Variants in MAP7D1 observed in about 807,000 individuals in gnomAD.
MAP7D1 encodes MAP7 domain containing 1, also known as MAP7 domain-containing protein 1.
In MAP7D1, 30 loss-of-function variants were observed where a neutral mutation model predicts 97.5. That is an observed-to-expected ratio of 0.31 (90% CI 0.23 to 0.42). The LOEUF (loss-of-function observed/expected upper bound fraction) is 0.42. Among genes scored for constraint, MAP7D1 ranks in the 10% least tolerant of loss-of-function variants. The pLI is 1.00. For synonymous variants in MAP7D1, 536 were observed against 477.1 expected, an observed-to-expected ratio of 1.12 and a Z score of -1.61; for missense variants, 1,184 against 1,179.5, an observed-to-expected ratio of 1.00 and a Z score of -0.06.
At position 36,180,313 on chromosome 1, in the gene MAP7D1, C is replaced by T. The variant is rs1557785939; in HGVS notation, c.*55C>T. The T allele has an allele frequency of 6.2e-7, 1 of 1,612,132 alleles. No homozygotes were observed. The highest frequency in any genetic ancestry group is 2.2e-5 in the East Asian group (1 of 44,870). On this transcript the variant is annotated 3_prime_UTR_variant, in exon 17 of 17. Coordinates refer to ENST00000474796, the MANE Select transcript of MAP7D1 (RefSeq NM_001388490.1). ...GTGAGGGCTCCTCTGCATCACCTAC[C>T]AGGATGTCTGGAGGAGAAAAAGACA...
At position 36,171,007 on chromosome 1, in the gene MAP7D1, C is replaced by G. The variant is rs778063899; in HGVS notation, c.83C>G (p.Ser28Cys). 6.4e-7 allele frequency: 1 copy of G among 1,565,676 alleles called. No homozygotes were observed. ...AGGACCCCCCCAGAGCCAAGACCTTCTCCAGAAGGTGACCCTTCCCCCCCA... is the reference window on the plus strand; with the variant it reads ...AGGACCCCCCCAGAGCCAAGACCTTGTCCAGAAGGTGACCCTTCCCCCCCA... ...VARTPPEPRP[S>C]PEGDPSPPPP... Residue 28 changes from serine to cysteine, a missense_variant, in exon 2 of 17, where the codon TCT becomes TGT. Physicochemically the swap from Ser to Cys is moderately radical, Grantham distance 112. Coordinates refer to ENST00000474796, the MANE Select transcript of MAP7D1 (RefSeq NM_001388490.1).
At position 36,176,975 on chromosome 1, in the gene MAP7D1, G is replaced by A. The variant is rs1176380234; in HGVS notation, c.1379+133G>A. On this transcript the variant is annotated intron_variant, in intron 8 of 16. Coordinates refer to ENST00000474796, the MANE Select transcript of MAP7D1 (RefSeq NM_001388490.1). This position sits in a 1 kb window ranked among gnomAD's most constrained non-coding sequence, Gnocchi z 6.1. The stretch of plus-strand genomic sequence containing the variant: ...GATTCTCTCTGTTTTGTTTGAGACA[G>A]GATCTCCCTCTGTCACCCAGGCTGG... 3.7e-6 allele frequency: 3 copies of A among 815,128 alleles called. No individual in the cohort carries two copies. The highest frequency in any genetic ancestry group is 5.8e-6 in the Non-Finnish European group (3 of 518,152). 50.5% of individuals were successfully genotyped at this position (815,128 alleles called of 1,614,324 possible).
intron 13 of MAP7D1, 67 bp downstream of exon 13, chr1:36,179,382 G>A: frequency 6.3e-7 from 1 of 1,597,616 alleles, no homozygotes; most frequent in Non-Finnish European, 8.6e-7. Context: ...GCTGCGGAAA[G>A]GCATCCATGG....
rs755424592 is a variant in MAP7D1 at position 36,177,988 on chromosome 1, G to A, written c.1495G>A (p.Gly499Ser). ...GCCTCCAAAGCCACCGTCCCCCCGA[G>A]GCACCACTGCATCCCCCAAGGGGCG... is the stretch of plus-strand genomic sequence containing the variant. ...TLPPKPPSPR[G>S]TTASPKGRVR... Residue 499 changes from glycine (G) to serine (S), a missense_variant, in exon 9 of 17, where the codon GGC (glycine) becomes AGC (serine). Transcript: ENST00000474796. 1.9e-5 allele frequency: 31 copies of A among 1,611,418 alleles called. No homozygotes were observed. In the South Asian group the frequency reaches 3.3e-4, roughly 17 times the overall value.
chr1:36,169,647 T>C (rs190029696), intron 1 of MAP7D1, among the ~76,000 whole-genome samples: 3 of 152,310 alleles, frequency 2.0e-5, no homozygotes, highest in Admixed American at 6.5e-5. Context: ...TGTGTTCCCA[T>C]TGATCTCCTC....
At position 36,176,121 on chromosome 1, in the gene MAP7D1, G is replaced by A; in HGVS notation, c.851-78G>A. 1 of 1,525,650 alleles carries A rather than the reference G, an allele frequency of 6.6e-7. No individual in the cohort carries two copies. The highest frequency in any genetic ancestry group is 1.2e-5 in the South Asian group (1 of 85,338). The allele number at this position is 1,525,650 out of a possible 1,614,324, so 94.5% of individuals were successfully genotyped here. ...GCCTTGGCCTTGGCATGGGGATGGT[G>A]CCTGGTCTGCTCCCTTGCCTCTTCC... On this transcript the variant is annotated intron_variant, in intron 6 of 16. Transcript: ENST00000474796. The surrounding 1 kb of genome is among the most constrained non-coding windows in gnomAD (Gnocchi z 6.1).
Position 36,179,912 on chromosome 1 carries a change from G to T in MAP7D1, c.2357G>T (p.Gly786Val). Residue 786 changes from glycine (G) to valine (V), a missense_variant, in exon 16 of 17, where the codon GGC (glycine) becomes GTC (valine). By Grantham distance (109) the Gly-to-Val change is moderately radical. Transcript: ENST00000474796. Reference protein sequence around the residue: ...SKELPASLVNGLQPLPAHQEN... With the variant: ...SKELPASLVNVLQPLPAHQEN... ...GAGTTGCCAGCGTCCCTGGTGAATGGCCTGCAGCCTCTCCCAGCACACCAG... is the reference window on the plus strand; with the variant it reads ...GAGTTGCCAGCGTCCCTGGTGAATGTCCTGCAGCCTCTCCCAGCACACCAG... 6.2e-7 allele frequency: 1 copy of T among 1,614,078 alleles called. No homozygotes were observed. Among genetic ancestry groups the T allele is most frequent in the Non-Finnish European group, 8.5e-7 (1 of 1,179,978 alleles).
Position 36,176,913 on chromosome 1 carries a change from G to A in MAP7D1, c.1379+71G>A. 7.4e-7 allele frequency: 1 copy of A among 1,346,210 alleles called. No homozygotes were observed. Among genetic ancestry groups the A allele is most frequent in the Non-Finnish European group, 1.0e-6 (1 of 973,850 alleles). 83.4% of individuals were successfully genotyped at this position (1,346,210 alleles called of 1,614,324 possible). On this transcript the variant is annotated intron_variant, in intron 8 of 16. Transcript: ENST00000474796. The surrounding 1 kb of genome is among the most constrained non-coding windows in gnomAD (Gnocchi z 6.1). ...TATTCATCACCCACAAATATTTGTT[G>A]GGCAACCACCTCTAGAATGCAACTT...
Position 36,179,879 on chromosome 1 carries a change from C to T in MAP7D1, c.2324C>T (p.Pro775Leu). 6.2e-7 allele frequency: 1 copy of T among 1,611,960 alleles called. No individual in the cohort carries two copies. The highest frequency in any genetic ancestry group is 8.5e-7 in the Non-Finnish European group (1 of 1,178,694). Residue 775 changes from proline (P) to leucine (L), a missense_variant, in exon 16 of 17, where the codon CCA becomes CTA. Coordinates refer to ENST00000474796, the MANE Select transcript of MAP7D1 (RefSeq NM_001388490.1). ...CTTGGCCTCTGCATCCACAGTCTCC[C>T]AAGCAAGGAGTTGCCAGCGTCCCTG... ...PIPQEPQWSL[P>L]SKELPASLVN... is the part of the protein sequence containing the mutation.
In MAP7D1 at chr1:36,179,546, G is replaced by C. The variant is rs1057268296; in HGVS notation, c.2216G>C (p.Gly739Ala). The C allele has an allele frequency of 5.7e-6, 9 of 1,572,310 alleles. No homozygotes were observed. The highest frequency in any genetic ancestry group is 6.0e-6 in the Non-Finnish European group (7 of 1,157,694). The change falls in exon 14 of 17, where the codon GGT becomes GCT. Residue 739 changes from glycine to alanine, a missense_variant. Coordinates refer to ENST00000474796, the MANE Select transcript of MAP7D1 (RefSeq NM_001388490.1). ...KQDSKEANANGSSPEPVKAVE... is the reference protein window; with the variant it reads ...KQDSKEANANASSPEPVKAVE... ...GACAGCAAGGAGGCCAACGCCAACG[G>C]TTCCAGCCCAGGTAAAGCCCCCATT... is the stretch of plus-strand genomic sequence containing the variant.
chr1:36,159,866 G>A lies in MAP7D1; in HGVS notation c.46+3403G>A, dbSNP rs1644383798. ...CATACATCCAGCAGCCAGCTGGCTG[G>A]CACCTCCCAATGACAGCTTCCTAGT... is the stretch of plus-strand genomic sequence containing the variant. On this transcript the variant is annotated intron_variant, in intron 1 of 16. Transcript: ENST00000474796. This position sits in a 1 kb window ranked among gnomAD's most constrained non-coding sequence, Gnocchi z 5.4. Among the ~76,000 whole-genome samples, 1 of 152,216 alleles carries A rather than the reference G, an allele frequency of 6.6e-6. No individual in the cohort carries two copies. The highest frequency in any genetic ancestry group is 2.4e-5 in the African/African-American group (1 of 41,458).
chr1:36,179,458 C>T, intron 13 of MAP7D1, 57 bp from the exon 14 acceptor site: 3 of 1,578,130 alleles, frequency 1.9e-6, no homozygotes, highest in Non-Finnish European at 2.6e-6. Context: ...GAACTCAGTC[C>T]GAAGTGGCTG....
rs753953981 is a variant in MAP7D1, at chr1:36,176,609, C to T, written c.1233+28C>T. 1.4e-5 allele frequency: 22 copies of T among 1,544,276 alleles called. No individual in the cohort carries two copies. In the Admixed American group the frequency reaches 2.1e-4, roughly 15 times the overall value. On this transcript the variant is annotated intron_variant, in intron 7 of 16. Transcript: ENST00000474796. This position sits in a 1 kb window ranked among gnomAD's most constrained non-coding sequence, Gnocchi z 6.1. ...GAGTGGCTCTACTGGCTCGAGTGGC[C>T]GCGCAGGTGGGGACAGGCAGCCTGG...
At chr1:36,167,941 C>G (rs1273472626) in intron 1 of MAP7D1, among the ~76,000 whole-genome samples, 1 of 152,202 alleles carries the variant, frequency 6.6e-6, no homozygotes, top group Non-Finnish European at 1.5e-5. Flanking sequence ...AGACCTCACC[C>G]TCAACCTTCA....
At chr1:36,166,684 C>T (rs747568792) in intron 1 of MAP7D1, among the ~76,000 whole-genome samples, 5 of 152,102 alleles carry the variant, frequency 3.3e-5, no homozygotes, top group Non-Finnish European at 5.9e-5. Context: ...CCACCGCACC[C>T]GGCCAATCTG....
At position 36,179,442 on chromosome 1, in the gene MAP7D1, A is replaced by T. The variant is rs369291279; in HGVS notation, c.2185-73A>T. ...AGGCCGCTGCGGCCCGGGCAAGGGG[A>T]GGGCCGAACTCAGTCCGAAGTGGCT... On this transcript the variant is annotated intron_variant, in intron 13 of 16. Transcript: ENST00000474796. 110 of 1,570,040 alleles carry T rather than the reference A, an allele frequency of 7.0e-5. No homozygotes were observed. The African/African-American group carries it at 1.3e-3, about 19-fold the overall frequency.
Position 36,178,998 on chromosome 1 carries a change from G to C in MAP7D1, c.2103G>C (p.Gln701His), listed in dbSNP as rs200040788. 1 of 1,557,660 alleles carries C rather than the reference G, an allele frequency of 6.4e-7. No homozygotes were observed. Among genetic ancestry groups the C allele is most frequent in the Admixed American group, 1.9e-5 (1 of 51,658 alleles). Reference sequence around the variant, plus strand: ...AGCGGGAAAAGCACTTCCAGCAGCAGGAGCAAGAGCGGCAAGAGCGCAGAA... The same window carrying C: ...AGCGGGAAAAGCACTTCCAGCAGCACGAGCAAGAGCGGCAAGAGCGCAGAA... ...RLEREKHFQQ[Q>H]EQERQERRKR... Residue 701 changes from glutamine (Q) to histidine (H), a missense_variant, in exon 12 of 17, where the codon CAG becomes CAC. Transcript: ENST00000474796.
intron 8 of MAP7D1, among the ~76,000 whole-genome samples, chr1:36,177,047 C>T (rs1488625386): frequency 6.6e-6 from 1 of 152,094 alleles, no homozygotes; most frequent in Non-Finnish European, 1.5e-5. Flanking sequence ...ACCTCCCAGG[C>T]TCAGGCTATC....
rs1644614721 is a variant in MAP7D1 at position 36,176,086 on chromosome 1, C to T, written c.851-113C>T. Reference sequence around the variant, plus strand: ...GGTGTGATTGTGGGGAGAGGACTCCCGGGTGAGAAGCCTTGGCCTTGGCAT... The same window carrying T: ...GGTGTGATTGTGGGGAGAGGACTCCTGGGTGAGAAGCCTTGGCCTTGGCAT... On this transcript the variant is annotated intron_variant, in intron 6 of 16. Transcript: ENST00000474796. This position sits in a 1 kb window ranked among gnomAD's most constrained non-coding sequence, Gnocchi z 6.1. 3 of 1,213,416 alleles carry T rather than the reference C, an allele frequency of 2.5e-6. No homozygotes were observed. Among genetic ancestry groups the T allele is most frequent in the Non-Finnish European group, 2.3e-6 (2 of 884,344 alleles). 75.2% of individuals were successfully genotyped at this position (1,213,416 alleles called of 1,614,324 possible). A position where few individuals can be genotyped will look rare whatever the true frequency, so the allele number is the denominator to read the frequency against.
Sources: allele counts gnomAD v4.1 joint callset (sites outside exome capture counted in the v4.1 genomes callset), GRCh38; gene constraint gnomAD v4.1.1; non-coding constraint Gnocchi (gnomAD v3.1); transcripts MANE v1.5; gene names NCBI Gene and HGNC (gene_info 2026-07-23, HGNC 2026-07-21).